Variants in HOMER2 observed in about 807,000 individuals in gnomAD.
HOMER2 encodes the protein homer protein homolog 2.
A neutral mutation model predicts 47.0 loss-of-function variants in HOMER2; 27 were observed. That is an observed-to-expected ratio of 0.57 (90% CI 0.42 to 0.79). The LOEUF is 0.79. Ranked by LOEUF, HOMER2 falls within the 30% of genes least tolerant of loss-of-function variation. HOMER2 has a pLI of 0.00. For missense variants in HOMER2, 443 were observed against 435.0 expected (o/e 1.02, Z -0.16); for synonymous variants, 161 against 163.8 (o/e 0.98, Z 0.13).
chr15:82,986,100 G>T, upstream of HOMER2: 1 of 985,548 alleles, frequency 1.0e-6, no homozygotes, highest in South Asian at 4.7e-5. Flanking sequence ...TCTGGGCGTT[G>T]TGCCAGCATT....
chr15:82,949,222 A>G (rs1298570993), intron 1 of HOMER2, among the ~76,000 whole-genome samples: 1 of 152,176 alleles, frequency 6.6e-6, no homozygotes, highest in Non-Finnish European at 1.5e-5. Flanking sequence ...TGAGCTAGAA[A>G]TTAAAGTGTG....
chr15:82,921,998 T>A (rs1307973248), intron 1 of HOMER2, among the ~76,000 whole-genome samples: 2 of 152,254 alleles, frequency 1.3e-5, no homozygotes, highest in Non-Finnish European at 2.9e-5. Context: ...ATCCTCCATC[T>A]TGAACATTAA....
At chr15:82,983,997 C>T (rs934542001) in intron 1 of HOMER2, among the ~76,000 whole-genome samples, 2 of 151,902 alleles carry the variant, frequency 1.3e-5, no homozygotes, top group African/African-American at 4.8e-5. Context: ...AATTGCACTA[C>T]TGGAGCTCCA....
chr15:82,906,735 C>T (rs1186304458), intron 1 of HOMER2, among the ~76,000 whole-genome samples: 1 of 152,090 alleles, frequency 6.6e-6, no homozygotes, highest in Non-Finnish European at 1.5e-5. Context: ...CGCCCAGCCA[C>T]AAGAAACCCA....
chr15:82,985,333 C>T (rs2030554258), intron 1 of HOMER2, among the ~76,000 whole-genome samples: 1 of 152,026 alleles, frequency 6.6e-6, no homozygotes, highest in Non-Finnish European at 1.5e-5. Context: ...ACACCTATAG[C>T]AGGTATATGT....
chr15:82,865,673 G>A (rs2051942294), intron 3 of HOMER2, among the ~76,000 whole-genome samples: 1 of 152,220 alleles, frequency 6.6e-6, no homozygotes, highest in East Asian at 1.9e-4. Context: ...GGATCCCCAT[G>A]CTGTGTGCAG....
At chr15:82,899,257 T>A (rs560270204) in intron 1 of HOMER2, among the ~76,000 whole-genome samples, 1 of 152,334 alleles carries the variant, frequency 6.6e-6, no homozygotes, top group Non-Finnish European at 1.5e-5. Flanking sequence ...ACCCAATACA[T>A]CCTCGCTTCA....
At chr15:82,877,116 C>T (rs780690597) in intron 2 of HOMER2, among the ~76,000 whole-genome samples, 3 of 152,178 alleles carry the variant, frequency 2.0e-5, no homozygotes, top group Admixed American at 6.5e-5. Context: ...CCTATGCATA[C>T]GACTATTCCT....
At chr15:82,926,258 G>C (rs1185263362) in intron 1 of HOMER2, 1 of 152,310 alleles carries the variant, frequency 6.6e-6, no homozygotes, top group Non-Finnish European at 1.5e-5. Flanking sequence ...TTGGTGTCTG[G>C]TGAGGGCACA....
Position 82,850,036 on chromosome 15 carries a change from A to G in HOMER2, c.844-133T>C. Reference sequence around the variant, plus strand: ...GCCAGGGCTTAAGCTGCCTAGAGACATGCTACCCCAGCACACAAGCCTGTG... The same window carrying G: ...GCCAGGGCTTAAGCTGCCTAGAGACGTGCTACCCCAGCACACAAGCCTGTG... On this transcript the variant is annotated intron_variant, in intron 8 of 8. Transcript: ENST00000450735. 6.2e-6 allele frequency: 5 copies of G among 812,982 alleles called. No homozygotes were observed. In the South Asian group the frequency reaches 9.0e-5, roughly 15 times the overall value. 50.4% of individuals were successfully genotyped at this position (812,982 alleles called of 1,614,324 possible).
chr15:82,929,098 C>T (rs2053937259), intron 1 of HOMER2, among the ~76,000 whole-genome samples: 1 of 152,046 alleles, frequency 6.6e-6, no homozygotes, highest in Non-Finnish European at 1.5e-5. Context: ...TACAACCCTG[C>T]TGTGTGTCAA....
chr15:82,881,566 C>A (rs1323041723), intron 2 of HOMER2, among the ~76,000 whole-genome samples: 1 of 152,252 alleles, frequency 6.6e-6, no homozygotes, highest in Non-Finnish European at 1.5e-5. Context: ...TGAAAACCTA[C>A]TGTGTGCTCG....
intron 3 of HOMER2, among the ~76,000 whole-genome samples, chr15:82,872,318 C>A (rs532508797): frequency 3.3e-5 from 5 of 152,316 alleles, no homozygotes; most frequent in Admixed American, 3.3e-4. Context: ...TTTCAGAAAA[C>A]GGCCTCACCA....
At chr15:82,841,108 A>C (rs980660162) in exon 2 of HOMER2, 3 of 152,160 alleles carry the variant, frequency 2.0e-5, no homozygotes, top group Non-Finnish European at 4.4e-5. Context: ...TCTTATTTTT[A>C]TTATACAAGT....
At chr15:82,859,474 A>G (rs2051702684) in intron 4 of HOMER2, among the ~76,000 whole-genome samples, 1 of 152,170 alleles carries the variant, frequency 6.6e-6, no homozygotes, top group South Asian at 2.1e-4. Flanking sequence ...CTTACGCCTT[A>G]TGGAGAAACC....
intron 1 of HOMER2, among the ~76,000 whole-genome samples, chr15:82,931,718 G>C (rs1057287995): frequency 2.0e-5 from 3 of 152,178 alleles, no homozygotes; most frequent in Non-Finnish European, 4.4e-5. Flanking sequence ...TGCACCTGTA[G>C]TCCCAGCTAC....
exon 2 of HOMER2, chr15:82,843,569 T>A (rs1466469033): frequency 6.6e-6 from 1 of 151,366 alleles, no homozygotes; most frequent in African/African-American, 2.4e-5. Flanking sequence ...GGTGTTTTTT[T>A]AAATGTCTAA....
chr15:82,851,039 A>C (rs984905854), intron 8 of HOMER2, 112 bp downstream of exon 8: 5 of 761,706 alleles, frequency 6.6e-6, no homozygotes, highest in Non-Finnish European at 1.1e-5. Flanking sequence ...TGAATAGAAA[A>C]TCTCTCCTTC....
At position 82,849,154 on chromosome 15, in the gene HOMER2, G is replaced by C. The variant is rs546046407; in HGVS notation, c.*561C>G. The stretch of plus-strand genomic sequence containing the variant: ...GGGGCGGGGGGCAGGGGGCAGTAGC[G>C]TGGATGCAGGCAACTCCGGGCCAGA... On this transcript the variant is annotated 3_prime_UTR_variant, in exon 9 of 9. Coordinates refer to ENST00000450735, the MANE Select transcript of HOMER2 (RefSeq NM_004839.4). The C allele has an allele frequency of 6.6e-6, 1 of 152,432 alleles. No individual in the cohort carries two copies. Among genetic ancestry groups the C allele is most frequent in the Non-Finnish European group, 1.5e-5 (1 of 68,308 alleles). The allele number at this position is 152,432 out of a possible 1,614,324, so 9.4% of individuals were successfully genotyped here.
Sources: allele counts gnomAD v4.1 joint callset (sites outside exome capture counted in the v4.1 genomes callset), GRCh38; gene constraint gnomAD v4.1.1; transcripts MANE v1.5; gene names NCBI Gene and HGNC (gene_info 2026-07-23, HGNC 2026-07-21).